XRCC4: variants seen among roughly 807,000 people sequenced by gnomAD.
XRCC4 encodes X-ray repair cross complementing 4, also known as DNA repair protein XRCC4.
A neutral mutation model predicts 39.1 loss-of-function variants in XRCC4; 28 were observed. The observed-to-expected ratio is 0.72, with a 90% CI of 0.53 to 0.98. The LOEUF is 0.98. Among genes scored for constraint, XRCC4 ranks in the 50% least tolerant of loss-of-function variants. The pLI, the probability that XRCC4 is intolerant of heterozygous loss-of-function variation, is 0.00. For synonymous variants in XRCC4, 123 were observed against 126.4 expected (o/e 0.97, Z 0.18); for missense variants, 350 against 376.4 (o/e 0.93, Z 0.58).
intron 1 of XRCC4, among the ~76,000 whole-genome samples, chr5:83,080,513 G>C (rs564094275): frequency 7.1e-6 from 1 of 140,556 alleles, no homozygotes; most frequent in Admixed American, 7.1e-5. Flanking sequence ...GCAACAGAGC[G>C]AGACTCCATC....
At chr5:83,211,811 CAG>C (rs1245078389) in intron 6 of XRCC4, among the ~76,000 whole-genome samples, 1 of 152,104 alleles carries the variant, frequency 6.6e-6, no homozygotes, top group South Asian at 2.1e-4. Flanking sequence ...ACAAGAGAAA[CAG>C]ATTTCATACA....
intron 6 of XRCC4, among the ~76,000 whole-genome samples, chr5:83,258,327 A>G (rs1753626319): frequency 6.6e-6 from 1 of 152,154 alleles, no homozygotes; most frequent in Non-Finnish European, 1.5e-5. Context: ...CCGTGTGTAC[A>G]ATATACATAA....
chr5:83,139,167 A>G (rs1026262460), intron 3 of XRCC4, among the ~76,000 whole-genome samples: 2 of 152,044 alleles, frequency 1.3e-5, no homozygotes, highest in African/African-American at 4.8e-5. Context: ...TTAGTTTTTT[A>G]CAGTTTGTGG....
intron 7 of XRCC4, among the ~76,000 whole-genome samples, chr5:83,261,614 T>C (rs1333242912): frequency 6.6e-5 from 10 of 151,700 alleles, no homozygotes; most frequent in Non-Finnish European, 1.3e-4. Flanking sequence ...GCTTAATTTT[T>C]TTTTTTTTTT....
intron 3 of XRCC4, among the ~76,000 whole-genome samples, chr5:83,135,408 A>G (rs1747847034): frequency 7.0e-6 from 1 of 143,290 alleles, no homozygotes; most frequent in South Asian, 2.2e-4. Context: ...TTTTTTCCTC[A>G]GCTGCTTTTA....
At chr5:83,248,766 G>C (rs1753203503) in intron 6 of XRCC4, among the ~76,000 whole-genome samples, 1 of 152,028 alleles carries the variant, frequency 6.6e-6, no homozygotes, top group Non-Finnish European at 1.5e-5. Flanking sequence ...AGTAACTTTA[G>C]CTTTTAATTG....
At chr5:83,123,720 G>T (rs1285201362) in intron 3 of XRCC4, among the ~76,000 whole-genome samples, 1 of 151,136 alleles carries the variant, frequency 6.6e-6, no homozygotes, top group African/African-American at 2.4e-5. Context: ...TTTGCTTTAG[G>T]GTTTATAGCA....
At chr5:83,111,007 T>C (rs1333901763) in intron 2 of XRCC4, 21 bp from the exon 3 acceptor site, 1 of 1,594,056 alleles carries the variant, frequency 6.3e-7, no homozygotes, top group East Asian at 2.3e-5. Context: ...ATTTTAAAAC[T>C]TTTGTTAATA....
intron 7 of XRCC4, among the ~76,000 whole-genome samples, chr5:83,268,025 G>C (rs890232198): frequency 6.6e-6 from 1 of 152,144 alleles, no homozygotes; most frequent in African/African-American, 2.4e-5. Context: ...ATAATGAACA[G>C]AGCTTTACAA....
intron 3 of XRCC4, among the ~76,000 whole-genome samples, chr5:83,115,222 G>A (rs1013499001): frequency 2.0e-5 from 3 of 152,170 alleles, no homozygotes; most frequent in Admixed American, 6.5e-5. Flanking sequence ...GAGGTTGGGA[G>A]TTCCAGACCA....
intron 3 of XRCC4, among the ~76,000 whole-genome samples, chr5:83,171,792 C>T (rs1265730879): frequency 6.6e-6 from 1 of 152,148 alleles, no homozygotes; most frequent in African/African-American, 2.4e-5. Context: ...TACATGATTG[C>T]ATTTCAGTTT....
At chr5:83,210,392 C>T (rs1403231829) in intron 6 of XRCC4, among the ~76,000 whole-genome samples, 2 of 152,052 alleles carry the variant, frequency 1.3e-5, no homozygotes, top group African/African-American at 4.8e-5. Context: ...ACCATTGTTG[C>T]TAGGAATAAC....
At chr5:83,348,045 G>C (rs1240971281) in intron 7 of XRCC4, among the ~76,000 whole-genome samples, 2 of 152,136 alleles carry the variant, frequency 1.3e-5, no homozygotes, top group Non-Finnish European at 2.9e-5. Context: ...TGATGCAAGG[G>C]GTAGACTCCT....
At chr5:83,084,245 ACTGTATC>A (rs1169623907) in intron 1 of XRCC4, among the ~76,000 whole-genome samples, 5 of 152,196 alleles carry the variant, frequency 3.3e-5, no homozygotes, top group African/African-American at 1.2e-4. Context: ...ATTGAAAGGT[ACTGTATC>A]CTTTTGATAC....
chr5:83,166,729 G>A (rs774773043), intron 3 of XRCC4, among the ~76,000 whole-genome samples: 5 of 151,090 alleles, frequency 3.3e-5, no homozygotes, highest in Admixed American at 6.6e-5. Context: ...TGCCTGCCTC[G>A]GCCTGCCAAA....
intron 7 of XRCC4, among the ~76,000 whole-genome samples, chr5:83,310,324 T>C (rs1755661405): frequency 6.6e-6 from 1 of 152,170 alleles, no homozygotes; most frequent in African/African-American, 2.4e-5. Flanking sequence ...TCCATGTGTT[T>C]ACTAATTTGT....
chr5:83,328,384 G>T (rs1480657808), intron 7 of XRCC4, among the ~76,000 whole-genome samples: 1 of 152,006 alleles, frequency 6.6e-6, no homozygotes, highest in African/African-American at 2.4e-5. Flanking sequence ...AGAATCTATA[G>T]GTAAATACTT....
intron 6 of XRCC4, among the ~76,000 whole-genome samples, chr5:83,233,921 G>A (rs201198119): frequency 5.8e-4 from 72 of 125,012 alleles, no homozygotes; most frequent in South Asian, 1.7e-3. Context: ...AAAAAAAAAA[G>A]AATTCTAGCT....
Position 83,105,052 on chromosome 5 carries a change from G to GGGACA in XRCC4, c.136_139+1dup. On this transcript the variant is annotated frameshift_variant, in exon 2 of 8. Transcript: ENST00000396027. LOFTEE classifies it high-confidence loss of function. ...TACTGATGGTCATTCAGCATGGACTGGGACAGGTAATACTAAAAACAAAGT... is the reference window on the plus strand; with the variant it reads ...TACTGATGGTCATTCAGCATGGACTGGGACAGGACAGGTAATACTAAAAACAAAGT... The GGGACA allele has an allele frequency of 6.2e-7, 1 of 1,607,576 alleles. No individual in the cohort carries two copies. The highest frequency in any genetic ancestry group is 8.5e-7 in the Non-Finnish European group (1 of 1,178,124).
Sources: gnomAD v4.1 joint callset for allele counts (sites outside exome capture counted in the v4.1 genomes callset) on GRCh38, gnomAD v4.1.1 for gene constraint, MANE v1.5 for transcripts, NCBI Gene and HGNC (gene_info 2026-07-23, HGNC 2026-07-21) for gene names.